HMX3: variants seen among roughly 807,000 people sequenced by gnomAD.
HMX3 encodes the protein homeobox protein HMX3.
Under a neutral mutation model 22.8 loss-of-function variants are expected in HMX3, and 8 were observed. That is an observed-to-expected ratio of 0.35 (90% confidence interval 0.21 to 0.63). The LOEUF (loss-of-function observed/expected upper bound fraction) is 0.63, where lower values mean the gene tolerates loss of function less well. HMX3 is among the 30% of genes least tolerant of loss of function. The pLI is 0.72. For synonymous variants in HMX3, 331 were observed against 250.9 expected (o/e 1.32, Z -3.02); for missense variants, 527 against 520.6 (o/e 1.01, Z -0.12).
rs1844093841 is a variant in HMX3 at position 123,137,688 on chromosome 10, C to A, written c.1031C>A (p.Ser344Ter). 2.0e-6 allele frequency: 3 copies of A among 1,474,082 alleles called. No individual in the cohort carries two copies. The highest frequency in any genetic ancestry group is 2.7e-6 in the Non-Finnish European group (3 of 1,120,128). The allele number at this position is 1,474,082 out of a possible 1,614,324, so 91.3% of individuals were successfully genotyped here. Reference sequence around the variant, plus strand: ...ACCTTCCCGCACCCCGTCTACTACTCGCACCCGGTGGTCTCTTCCGTGCCG... The same window carrying A: ...ACCTTCCCGCACCCCGTCTACTACTAGCACCCGGTGGTCTCTTCCGTGCCG... ...LLTFPHPVYY[S>*]HPVVSSVPLL... The change falls in exon 2 of 2, where the codon TCG becomes TAG. Residue 344 changes from serine (S) to a stop codon, truncating the protein, a stop_gained. Transcript: ENST00000357878. LOFTEE classifies it high-confidence loss of function. The surrounding 1 kb of genome is among the most constrained non-coding windows in gnomAD (Gnocchi z 5.8).
chr10:123,137,187 T>C lies in HMX3; in HGVS notation c.530T>C (p.Leu177Pro). Residue 177 changes from leucine to proline, a missense_variant, in exon 2 of 2, where the codon CTG (leucine) becomes CCG (proline). This residue lies in a region of HMX3 where 386 missense variants were observed against 337.8 expected (regional missense o/e 1.14). Transcript: ENST00000357878. The surrounding 1 kb of genome is among the most constrained non-coding windows in gnomAD (Gnocchi z 5.8). ...TCCAAGAGCCCGGACGAGATCATTC[T>C]GGAGGAGAGCGACTCCGAGGAAAGC... is the stretch of plus-strand genomic sequence containing the variant. ...LDSKSPDEII[L>P]EESDSEESKK... 1 of 1,602,592 alleles carries C rather than the reference T, an allele frequency of 6.2e-7. No individual in the cohort carries two copies. Among genetic ancestry groups the C allele is most frequent in the South Asian group, 1.1e-5 (1 of 89,516 alleles).
rs1056302608 is a variant in HMX3 at position 123,137,864 on chromosome 10, C to G, written c.*133C>G. ...GGCTTGGGCGCGCAGCCTCTGCTTCCCCTCCCCCAGTCGGTAGCATTTTGT... is the reference window on the plus strand; with the variant it reads ...GGCTTGGGCGCGCAGCCTCTGCTTCGCCTCCCCCAGTCGGTAGCATTTTGT... On this transcript the variant is annotated 3_prime_UTR_variant, in exon 2 of 2. Transcript: ENST00000357878. This position sits in a 1 kb window ranked among gnomAD's most constrained non-coding sequence, Gnocchi z 5.8. 3.5e-6 allele frequency: 2 copies of G among 578,708 alleles called. No homozygotes were observed. Among genetic ancestry groups the G allele is most frequent in the Non-Finnish European group, 5.7e-6 (2 of 352,778 alleles). 35.8% of individuals were successfully genotyped at this position (578,708 alleles called of 1,614,324 possible). A position where few individuals can be genotyped will look rare whatever the true frequency, so the allele number is the denominator to read the frequency against.
rs934638906 is a variant in HMX3, at chr10:123,136,270, A to C, written c.220A>C (p.Lys74Gln). The C allele has an allele frequency of 2.8e-6, 4 of 1,415,720 alleles. No individual in the cohort carries two copies. The highest frequency in any genetic ancestry group is 3.7e-6 in the Non-Finnish European group (4 of 1,081,872). 87.7% of individuals were successfully genotyped at this position (1,415,720 alleles called of 1,614,324 possible). A position where few individuals can be genotyped will look rare whatever the true frequency, so the allele number is the denominator to read the frequency against. Residue 74 changes from lysine (K) to glutamine (Q), a missense_variant, in exon 1 of 2, where the codon AAG (lysine) becomes CAG (glutamine). Lys to Gln is a moderately conservative substitution (Grantham distance 53, BLOSUM62 1). Transcript: ENST00000357878. This position sits in a 1 kb window ranked among gnomAD's most constrained non-coding sequence, Gnocchi z 4.8. ...CGCCGCTGCCGCTGCCGCGGCGGCC[A>C]AGGGGGCCCTGGAGGGCGCCGCGGG... is the stretch of plus-strand genomic sequence containing the variant. ...AAAAAAAAAA[K>Q]GALEGAAGFA... is the part of the protein sequence containing the mutation.
In HMX3 at chr10:123,137,816, G is replaced by C. The variant is rs946477926; in HGVS notation, c.*85G>C. 2.8e-6 allele frequency: 3 copies of C among 1,072,108 alleles called. No homozygotes were observed. The allele number at this position is 1,072,108 out of a possible 1,614,324, so 66.4% of individuals were successfully genotyped here. A position where few individuals can be genotyped will look rare whatever the true frequency, so the allele number is the denominator to read the frequency against. On this transcript the variant is annotated 3_prime_UTR_variant, in exon 2 of 2. Transcript: ENST00000357878. The surrounding 1 kb of genome is among the most constrained non-coding windows in gnomAD (Gnocchi z 5.8). ...TGGGCCGGGCCGAGGGCGCCGAGAA[G>C]TCCAGCGGCCTTCAGGAACTGGGGC...
At position 123,136,523 on chromosome 10, in the gene HMX3, C is replaced by T; in HGVS notation, c.400+73C>T. 1 of 1,217,170 alleles carries T rather than the reference C, an allele frequency of 8.2e-7. No homozygotes were observed. Among genetic ancestry groups the T allele is most frequent in the Non-Finnish European group, 1.1e-6 (1 of 941,614 alleles). 75.4% of individuals were successfully genotyped at this position (1,217,170 alleles called of 1,614,324 possible). On this transcript the variant is annotated intron_variant, in intron 1 of 1. Transcript: ENST00000357878. The surrounding 1 kb of genome is among the most constrained non-coding windows in gnomAD (Gnocchi z 4.8). The stretch of plus-strand genomic sequence containing the variant: ...CGTCCCCGCCCCGCGCTGCTTCCCT[C>T]CGCAGTTCTGGGACCCCAGCACCCG...
Position 123,138,147 on chromosome 10 carries a change from C to T in HMX3, c.*416C>T, listed in dbSNP as rs1204857913. Among the ~76,000 whole-genome samples the T allele has an allele frequency of 1.5e-5, 2 of 132,128 alleles. No individual in the cohort carries two copies. The highest frequency in any genetic ancestry group is 2.8e-5 in the African/African-American group (1 of 35,954). 86.7% of individuals were successfully genotyped at this position (132,128 alleles called of 152,430 possible). On this transcript the variant is annotated 3_prime_UTR_variant, in exon 2 of 2. Coordinates refer to ENST00000357878, the MANE Select transcript of HMX3 (RefSeq NM_001105574.2). ...AATCCCTCTAGTTTATTCTTTTCTG[C>T]TTTTTTTTTTTTTTCCGAGACGGAA... is the stretch of plus-strand genomic sequence containing the variant.
In HMX3 at chr10:123,136,784, G is replaced by A. The variant is rs114767298; in HGVS notation, c.401-274G>A. ...AATGCGCCTAAGCCGAAAGGGAACC[G>A]TTCTGCCGGCCCCTGGCGAGGAAGC... On this transcript the variant is annotated intron_variant, in intron 1 of 1. Coordinates refer to ENST00000357878, the MANE Select transcript of HMX3 (RefSeq NM_001105574.2). This position sits in a 1 kb window ranked among gnomAD's most constrained non-coding sequence, Gnocchi z 4.8. 0.01 allele frequency among the ~76,000 whole-genome samples: 1,562 copies of A among 152,246 alleles called. 34 individuals are homozygous for A. Among genetic ancestry groups the A allele is most frequent in the African/African-American group, 0.036 (1,504 of 41,546 alleles).
rs1844099534 is a variant in HMX3, at chr10:123,138,162, CCG to C, written c.*432_*433del. 7.1e-6 allele frequency among the ~76,000 whole-genome samples: 1 copy of C among 141,130 alleles called. No individual in the cohort carries two copies. The allele number at this position is 141,130 out of a possible 152,430, so 92.6% of individuals were successfully genotyped here. A position where few individuals can be genotyped will look rare whatever the true frequency, so the allele number is the denominator to read the frequency against. On this transcript the variant is annotated 3_prime_UTR_variant, in exon 2 of 2. Coordinates refer to ENST00000357878, the MANE Select transcript of HMX3 (RefSeq NM_001105574.2). The stretch of plus-strand genomic sequence containing the variant: ...TTCTTTTCTGCTTTTTTTTTTTTTT[CCG>C]AGACGGAATCTTGCTCTATCTATTG...
In HMX3 at chr10:123,137,396, G is replaced by A; in HGVS notation, c.739G>A (p.Asp247Asn). The A allele has an allele frequency of 6.2e-7, 1 of 1,613,464 alleles. No homozygotes were observed. The highest frequency in any genetic ancestry group is 8.5e-7 in the Non-Finnish European group (1 of 1,179,948). ...SQVFQLESTF[D>N]MKRYLSSSER... ...GGTCTTCCAGCTCGAGTCCACCTTC[G>A]ACATGAAGCGCTATCTGAGCAGCTC... Residue 247 changes from aspartate (D) to asparagine (N), a missense_variant, in exon 2 of 2, where the codon GAC becomes AAC. Around this residue, in one of 3 missense-constraint regions of HMX3, gnomAD observed 41 missense variants for 80.6 expected, o/e 0.51. Transcript: ENST00000357878. The surrounding 1 kb of genome is among the most constrained non-coding windows in gnomAD (Gnocchi z 5.8).
chr10:123,136,591 C>T lies in HMX3; in HGVS notation c.400+141C>T. 1 of 606,366 alleles carries T rather than the reference C, an allele frequency of 1.6e-6. No homozygotes were observed. The highest frequency in any genetic ancestry group is 4.8e-4 in the Middle Eastern group (1 of 2,064). The allele number at this position is 606,366 out of a possible 1,614,324, so 37.6% of individuals were successfully genotyped here. A position where few individuals can be genotyped will look rare whatever the true frequency, so the allele number is the denominator to read the frequency against. On this transcript the variant is annotated intron_variant, in intron 1 of 1. Transcript: ENST00000357878. This position sits in a 1 kb window ranked among gnomAD's most constrained non-coding sequence, Gnocchi z 4.8. ...CAGTTTTTTTCGGCCCCTAGCCTGC[C>T]CTCGCGCTGGGTTGCGCTGCCCGTT... is the stretch of plus-strand genomic sequence containing the variant.
In HMX3 at chr10:123,137,274, C is replaced by T; in HGVS notation, c.617C>T (p.Thr206Ile). ...GCGAGCGTAGGGGCGGCGGCGGCCA[C>T]TCCGGGCGCAGAAGACTGGAAGAAG... ...AGASVGAAAA[T>I]PGAEDWKKGA... is the part of the protein sequence containing the mutation. The change falls in exon 2 of 2, where the codon ACT becomes ATT. Residue 206 changes from threonine (T) to isoleucine (I), a missense_variant. Transcript: ENST00000357878. The surrounding 1 kb of genome is among the most constrained non-coding windows in gnomAD (Gnocchi z 5.8). The T allele has an allele frequency of 1.1e-5, 18 of 1,594,608 alleles. No homozygotes were observed. The highest frequency in any genetic ancestry group is 1.8e-5 in the Admixed American group (1 of 57,086).
At position 123,138,481 on chromosome 10, in the gene HMX3, A is replaced by T. The variant is rs1483917225; in HGVS notation, c.*750A>T. Among the ~76,000 whole-genome samples, 1 of 152,184 alleles carries T rather than the reference A, an allele frequency of 6.6e-6. No homozygotes were observed. Among genetic ancestry groups the T allele is most frequent in the Non-Finnish European group, 1.5e-5 (1 of 68,028 alleles). On this transcript the variant is annotated 3_prime_UTR_variant, in exon 2 of 2. Coordinates refer to ENST00000357878, the MANE Select transcript of HMX3 (RefSeq NM_001105574.2). ...TCCTTTTCTATAGAACTGTTTTCAGAATCCAGAGAGGGAGAGAATTCATAT... is the reference window on the plus strand; with the variant it reads ...TCCTTTTCTATAGAACTGTTTTCAGTATCCAGAGAGGGAGAGAATTCATAT...
rs1844103843 is a variant in HMX3, at chr10:123,138,553, AC to A, written c.*827del. Among the ~76,000 whole-genome samples the A allele has an allele frequency of 6.6e-6, 1 of 151,820 alleles. No homozygotes were observed. The highest frequency in any genetic ancestry group is 1.5e-5 in the Non-Finnish European group (1 of 67,972). On this transcript the variant is annotated 3_prime_UTR_variant, in exon 2 of 2. Coordinates refer to ENST00000357878, the MANE Select transcript of HMX3 (RefSeq NM_001105574.2). ...TTTCTGGGTATGTTTCTTCCTCCCA[AC>A]CCCCAAATCAGTTATCCACCTTAAT... is the stretch of plus-strand genomic sequence containing the variant.
chr10:123,137,689 G>A lies in HMX3; in HGVS notation c.1032G>A (p.Ser344=), dbSNP rs1324956376. The A allele has an allele frequency of 3.4e-6, 5 of 1,472,018 alleles. No individual in the cohort carries two copies. Among genetic ancestry groups the A allele is most frequent in the South Asian group, 1.4e-5 (1 of 71,194 alleles). The allele number at this position is 1,472,018 out of a possible 1,614,324, so 91.2% of individuals were successfully genotyped here. A position where few individuals can be genotyped will look rare whatever the true frequency, so the allele number is the denominator to read the frequency against. The change falls in exon 2 of 2, where the codon TCG becomes TCA. Residue 344 remains serine (S), a synonymous_variant. Transcript: ENST00000357878. The surrounding 1 kb of genome is among the most constrained non-coding windows in gnomAD (Gnocchi z 5.8). ...CCTTCCCGCACCCCGTCTACTACTC[G>A]CACCCGGTGGTCTCTTCCGTGCCGC... ...LLTFPHPVYY[S]HPVVSSVPLL... is the part of the protein sequence containing the mutation.
Position 123,136,013 on chromosome 10 carries a change from C to G in HMX3, c.-38C>G, listed in dbSNP as rs1589677888. On this transcript the variant is annotated 5_prime_UTR_variant, in exon 1 of 2. Transcript: ENST00000357878. The surrounding 1 kb of genome is among the most constrained non-coding windows in gnomAD (Gnocchi z 4.8). ...TGCTCGCCCCGCCGCCCGCCTGTCC[C>G]GCTCCCTCCCTCCCGGGGACCCGGA... The G allele has an allele frequency of 6.8e-6, 9 of 1,323,620 alleles. No homozygotes were observed. Among genetic ancestry groups the G allele is most frequent in the African/African-American group, 6.2e-5 (4 of 64,932 alleles). 82.0% of individuals were successfully genotyped at this position (1,323,620 alleles called of 1,614,324 possible). A position where few individuals can be genotyped will look rare whatever the true frequency, so the allele number is the denominator to read the frequency against.
At position 123,136,313 on chromosome 10, in the gene HMX3, TG is replaced by T; in HGVS notation, c.266del (p.Gly89AlafsTer34). 6.4e-7 allele frequency: 1 copy of T among 1,557,422 alleles called. No individual in the cohort carries two copies. Among genetic ancestry groups the T allele is most frequent in the Non-Finnish European group, 8.7e-7 (1 of 1,153,096 alleles). On this transcript the variant is annotated frameshift_variant, in exon 1 of 2. Coordinates refer to ENST00000357878, the MANE Select transcript of HMX3 (RefSeq NM_001105574.2). LOFTEE classifies it high-confidence loss of function. The surrounding 1 kb of genome is among the most constrained non-coding windows in gnomAD (Gnocchi z 4.8). ...EGAAGFALSQ[V>X]GDLAFPRFEI... The stretch of plus-strand genomic sequence containing the variant: ...GCCGCGGGCTTCGCGCTCTCGCAGG[TG>T]GGCGACCTGGCTTTCCCTCGCTTTG...
chr10:123,137,434 C>A lies in HMX3; in HGVS notation c.777C>A (p.Gly259=), dbSNP rs772496101. 2 of 1,613,442 alleles carry A rather than the reference C, an allele frequency of 1.2e-6. No homozygotes were observed. The highest frequency in any genetic ancestry group is 1.7e-5 in the Admixed American group (1 of 60,032). ...ATCTGAGCAGCTCGGAGCGAGCCGG[C>A]CTGGCCGCGTCCCTGCACCTCACCG... ...KRYLSSSERA[G]LAASLHLTET... is the part of the protein sequence containing the mutation. Residue 259 remains glycine (G), a synonymous_variant, in exon 2 of 2, where the codon GGC becomes GGA. Transcript: ENST00000357878. This position sits in a 1 kb window ranked among gnomAD's most constrained non-coding sequence, Gnocchi z 5.8.
Position 123,137,257 on chromosome 10 carries a change from A to G in HMX3, c.600A>G (p.Val200=), listed in dbSNP as rs780213242. ...EAAPGAAGAS[V]GAAAATPGAE... is the part of the protein sequence containing the mutation. ...CGCCAGGCGCGGCCGGGGCGAGCGT[A>G]GGGGCGGCGGCGGCCACTCCGGGCG... Residue 200 remains valine (V), a synonymous_variant, in exon 2 of 2, where the codon GTA becomes GTG. Coordinates refer to ENST00000357878, the MANE Select transcript of HMX3 (RefSeq NM_001105574.2). This position sits in a 1 kb window ranked among gnomAD's most constrained non-coding sequence, Gnocchi z 5.8. 4 of 1,591,818 alleles carry G rather than the reference A, an allele frequency of 2.5e-6. No individual in the cohort carries two copies. In the Admixed American group the frequency reaches 7.1e-5, roughly 28 times the overall value.
rs1035706460 is a variant in HMX3 at position 123,137,266 on chromosome 10, G to T, written c.609G>T (p.Ala203=). 8.8e-6 allele frequency: 14 copies of T among 1,592,276 alleles called. No individual in the cohort carries two copies. Among genetic ancestry groups the T allele is most frequent in the Non-Finnish European group, 1.2e-5 (14 of 1,169,686 alleles). Residue 203 remains alanine (A), a synonymous_variant, in exon 2 of 2, where the codon GCG becomes GCT. Coordinates refer to ENST00000357878, the MANE Select transcript of HMX3 (RefSeq NM_001105574.2). This position sits in a 1 kb window ranked among gnomAD's most constrained non-coding sequence, Gnocchi z 5.8. ...PGAAGASVGA[A]AATPGAEDWK... Reference sequence around the variant, plus strand: ...CGGCCGGGGCGAGCGTAGGGGCGGCGGCGGCCACTCCGGGCGCAGAAGACT... The same window carrying T: ...CGGCCGGGGCGAGCGTAGGGGCGGCTGCGGCCACTCCGGGCGCAGAAGACT...
Sources: gnomAD v4.1 joint callset for allele counts (sites outside exome capture counted in the v4.1 genomes callset) on GRCh38, gnomAD v4.1.1 for gene constraint, gnomAD v4.1.1 regional missense constraint, Gnocchi (gnomAD v3.1) non-coding constraint, MANE v1.5 for transcripts, NCBI Gene and HGNC (gene_info 2026-07-23, HGNC 2026-07-21) for gene names.